RUBCNL: variants seen among roughly 807,000 people sequenced by gnomAD.
RUBCNL encodes protein associated with UVRAG as autophagy enhancer.
In RUBCNL, 62 loss-of-function variants were observed where a neutral mutation model predicts 69.5. The observed-to-expected ratio is 0.89, with a 90% CI of 0.73 to 1.10. RUBCNL has a LOEUF of 1.10. RUBCNL is among the 50% of genes least tolerant of loss of function. The pLI, the probability that RUBCNL is intolerant of heterozygous loss-of-function variation, is 0.00. For synonymous variants in RUBCNL, 291 were observed against 303.6 expected (o/e 0.96, Z 0.43); for missense variants, 768 against 798.1 (o/e 0.96, Z 0.45).
rs1471235971 is a variant in RUBCNL at position 46,340,718 on chromosome 13, T to C, written c.*2667A>G. 3.3e-5 allele frequency among the ~76,000 whole-genome samples: 5 copies of C among 152,232 alleles called. No homozygotes were observed. The East Asian group carries it at 5.8e-4, about 18-fold the overall frequency. On this transcript the variant is annotated 3_prime_UTR_variant, in exon 15 of 15. Transcript: ENST00000429979. ...TGGTGGAGGGGAAGGGGAGCCTGCG[T>C]GTGCAGACTCCCCTTGTATGGAAAC...
At chr13:46,383,349 C>T (rs1415603430) in intron 1 of RUBCNL, among the ~76,000 whole-genome samples, 1 of 152,160 alleles carries the variant, frequency 6.6e-6, no homozygotes, top group Non-Finnish European at 1.5e-5. Context: ...AAACTGAGAC[C>T]TTTCCCATCA....
intron 1 of RUBCNL, among the ~76,000 whole-genome samples, chr13:46,385,473 G>A (rs1049061386): frequency 1.3e-5 from 2 of 152,046 alleles, no homozygotes; most frequent in Non-Finnish European, 2.9e-5. Flanking sequence ...TTCCATATTA[G>A]AAATTCCATA....
intron 9 of RUBCNL, among the ~76,000 whole-genome samples, chr13:46,359,204 C>G (rs1205161850): frequency 6.6e-6 from 1 of 151,834 alleles, no homozygotes; most frequent in Non-Finnish European, 1.5e-5. Context: ...CCCCTTTAAG[C>G]CTATTTAATT....
rs373478764 is a variant in RUBCNL, at chr13:46,372,495, G to C, written c.-20C>G. ...CACCATCTTTCCAGGCTTGTGGCTG[G>C]TGTGAATCCATTCAAAACAGATAGG... On this transcript the variant is annotated 5_prime_UTR_variant, in exon 3 of 15. Coordinates refer to ENST00000429979, the MANE Select transcript of RUBCNL (RefSeq NM_025113.5). The C allele has an allele frequency of 1.9e-6, 3 of 1,578,476 alleles. No individual in the cohort carries two copies. The highest frequency in any genetic ancestry group is 2.7e-5 in the African/African-American group (2 of 74,112).
At chr13:46,373,540 GT>G (rs149854395) in intron 2 of RUBCNL, among the ~76,000 whole-genome samples, 1,935 of 152,280 alleles carry the variant, frequency 0.013, 52 homozygotes, top group African/African-American at 0.044. Context: ...TGATTAAAAT[GT>G]TGAGAGCTAC....
intron 7 of RUBCNL, among the ~76,000 whole-genome samples, chr13:46,361,781 G>A (rs188607742): frequency 3.9e-5 from 6 of 152,250 alleles, no homozygotes; most frequent in African/African-American, 9.6e-5. Context: ...TACTGAGGGC[G>A]CTAAGACTTA....
In RUBCNL at chr13:46,335,285, T is replaced by A. The variant is rs1320284963; in HGVS notation, c.*8100A>T. On this transcript the variant is annotated 3_prime_UTR_variant, in exon 15 of 15. Coordinates refer to ENST00000429979, the MANE Select transcript of RUBCNL (RefSeq NM_025113.5). ...GTTTTTTTTTTTTTTTTTTTTTTTT[T>A]AAGAGACAGGGTCTCGCTATGTTGC... is the stretch of plus-strand genomic sequence containing the variant. Among the ~76,000 whole-genome samples the A allele has an allele frequency of 7.1e-6, 1 of 140,614 alleles. No homozygotes were observed. The allele number at this position is 140,614 out of a possible 152,430, so 92.2% of individuals were successfully genotyped here. A position where few individuals can be genotyped will look rare whatever the true frequency, so the allele number is the denominator to read the frequency against.
Position 46,342,101 on chromosome 13 carries a change from G to A in RUBCNL, c.*1284C>T, listed in dbSNP as rs1242757060. On this transcript the variant is annotated 3_prime_UTR_variant, in exon 15 of 15. Coordinates refer to ENST00000429979, the MANE Select transcript of RUBCNL (RefSeq NM_025113.5). The stretch of plus-strand genomic sequence containing the variant: ...GGATGTGAGCACAGTTCTGGCAGAG[G>A]CACTGCGGATGAGAAAACAATTGAC... 1 of 152,226 alleles carries A rather than the reference G, an allele frequency of 6.6e-6. No homozygotes were observed. The highest frequency in any genetic ancestry group is 2.4e-5 in the African/African-American group (1 of 41,454). 9.4% of individuals were successfully genotyped at this position (152,226 alleles called of 1,614,324 possible).
intron 4 of RUBCNL, 41 bp from the exon 5 acceptor site, chr13:46,368,290 C>T: frequency 2.6e-6 from 4 of 1,567,282 alleles, no homozygotes; most frequent in South Asian, 1.1e-5. Flanking sequence ...GCATAATCAA[C>T]TTTTTCATGG....
intron 1 of RUBCNL, among the ~76,000 whole-genome samples, chr13:46,379,809 C>T (rs1415848468): frequency 6.6e-6 from 1 of 152,208 alleles, no homozygotes; most frequent in East Asian, 1.9e-4. Flanking sequence ...CACAGTTCCC[C>T]AGAACTTCTT....
intron 2 of RUBCNL, among the ~76,000 whole-genome samples, chr13:46,375,748 T>C (rs1453563502): frequency 6.6e-6 from 1 of 152,162 alleles, no homozygotes; most frequent in East Asian, 1.9e-4. Flanking sequence ...TGGAGACTTC[T>C]TGATTTGAGG....
intron 12 of RUBCNL, among the ~76,000 whole-genome samples, chr13:46,347,623 G>GGATGCTTCCTAGGA (rs2048275129): frequency 6.6e-6 from 1 of 152,094 alleles, no homozygotes; most frequent in African/African-American, 2.4e-5. Context: ...AGCAACCCTA[G>GGATGCTTCCTAGGA]TGTCCATGGA....
intron 3 of RUBCNL, among the ~76,000 whole-genome samples, chr13:46,370,498 C>T (rs992797974): frequency 6.6e-6 from 1 of 152,212 alleles, no homozygotes; most frequent in African/African-American, 2.4e-5. Context: ...TCACTCAAGG[C>T]TTCTTTTTCT....
At chr13:46,354,522 C>T (rs1196806693) in intron 10 of RUBCNL, among the ~76,000 whole-genome samples, 1 of 152,318 alleles carries the variant, frequency 6.6e-6, no homozygotes, top group Non-Finnish European at 1.5e-5. Flanking sequence ...ACAATCTGGG[C>T]CCCGCCTACA....
rs374704916 is a variant in RUBCNL at position 46,343,456 on chromosome 13, C to T, written c.1918G>A (p.Glu640Lys). ...CFHKQCFQSS[E>K]CPRCARITAR... ...GTGATCCTCGCACACCGGGGGCACT[C>T]GGAGGACTGGAAGCACTGTTTGTGA... Residue 640 changes from glutamate to lysine, a missense_variant, in exon 15 of 15, where the codon GAG (glutamate) becomes AAG (lysine). Glu to Lys is a moderately conservative substitution (Grantham distance 56). Coordinates refer to ENST00000429979, the MANE Select transcript of RUBCNL (RefSeq NM_025113.5). 35 of 1,613,770 alleles carry T rather than the reference C, an allele frequency of 2.2e-5. No individual in the cohort carries two copies. The highest frequency in any genetic ancestry group is 2.7e-5 in the Non-Finnish European group (32 of 1,179,866).
At chr13:46,346,112 T>C (rs2048240349) in intron 12 of RUBCNL, among the ~76,000 whole-genome samples, 1 of 152,196 alleles carries the variant, frequency 6.6e-6, no homozygotes, top group Non-Finnish European at 1.5e-5. Flanking sequence ...CAACTGCCAG[T>C]GGTCATGGTC....
intron 12 of RUBCNL, among the ~76,000 whole-genome samples, chr13:46,347,593 C>T (rs1026247766): frequency 1.3e-5 from 2 of 152,148 alleles, no homozygotes; most frequent in Non-Finnish European, 2.9e-5. Flanking sequence ...CCACTTTATT[C>T]ACAATAGCCA....
chr13:46,379,516 T>C (rs1272783240), intron 1 of RUBCNL, among the ~76,000 whole-genome samples: 1 of 152,210 alleles, frequency 6.6e-6, no homozygotes, highest in East Asian at 1.9e-4. Flanking sequence ...GATACCTAGA[T>C]ATGGTTATGT....
intron 1 of RUBCNL, among the ~76,000 whole-genome samples, chr13:46,385,046 C>G (rs947293472): frequency 3.9e-5 from 6 of 152,170 alleles, no homozygotes; most frequent in African/African-American, 1.4e-4. Flanking sequence ...ATAATTTTAA[C>G]GCCAATCTGA....
Sources: gnomAD v4.1 joint callset for allele counts (sites outside exome capture counted in the v4.1 genomes callset) on GRCh38, gnomAD v4.1.1 for gene constraint, MANE v1.5 for transcripts, NCBI Gene and HGNC (gene_info 2026-07-23, HGNC 2026-07-21) for gene names.